The following EXOC4 variants were observed in gnomAD, a reference collection of about 807,000 sequenced individuals.
EXOC4 encodes exocyst complex component 4.
EXOC4 carries 71 observed loss-of-function variants against 107.2 expected under a neutral mutation model. The observed-to-expected ratio is 0.66, with a 90% CI of 0.55 to 0.81. The LOEUF is 0.81. EXOC4 is among the 30% of genes least tolerant of loss of function. The probability of loss-of-function intolerance (pLI) is 0.00; values close to 1 mark genes in which losing one functional copy is unlikely to be tolerated. For synonymous variants in EXOC4, 456 were observed against 441.2 expected, an observed-to-expected ratio of 1.03 and a Z score of -0.42; for missense variants, 1,108 against 1,189.6, an observed-to-expected ratio of 0.93 and a Z score of 1.01.
At chr7:134,079,271 C>T in the EXOC4 span, among the ~76,000 whole-genome samples, 1 of 152,186 alleles carries the variant, frequency 6.6e-6, no homozygotes, top group African/African-American at 2.4e-5. Flanking sequence ...TCCTCTGAGG[C>T]AAGCACAACT....
intron 9 of EXOC4, among the ~76,000 whole-genome samples, chr7:133,511,846 G>C (rs1416721769): frequency 6.6e-6 from 1 of 150,494 alleles, no homozygotes; most frequent in East Asian, 2.0e-4. Flanking sequence ...AATCATTGTA[G>C]AGCAAATGCA....
At chr7:133,756,174 C>A (rs930673444) in intron 10 of EXOC4, among the ~76,000 whole-genome samples, 1 of 152,102 alleles carries the variant, frequency 6.6e-6, no homozygotes, top group African/African-American at 2.4e-5. Context: ...TTATCATTTT[C>A]ATCATAAAAG....
intron 9 of EXOC4, among the ~76,000 whole-genome samples, chr7:133,621,009 A>G (rs888315114): frequency 2.0e-5 from 3 of 152,200 alleles, no homozygotes; most frequent in Non-Finnish European, 1.5e-5. Flanking sequence ...TAATTGGCTC[A>G]TATCTTACAT....
intron 11 of EXOC4, among the ~76,000 whole-genome samples, chr7:133,849,432 TA>T (rs1031766111): frequency 4.0e-5 from 6 of 151,798 alleles, no homozygotes; most frequent in Non-Finnish European, 4.4e-5. Context: ...AATTAAAAAA[TA>T]AAAAAAGAGC....
intron 9 of EXOC4, among the ~76,000 whole-genome samples, chr7:133,527,523 C>G (rs1354472579): frequency 6.6e-6 from 1 of 152,082 alleles, no homozygotes; most frequent in East Asian, 1.9e-4. Context: ...CTGATTTATC[C>G]AAACATGGGA....
chr7:133,798,948 A>T (rs1003641499), intron 10 of EXOC4, among the ~76,000 whole-genome samples: 11 of 152,318 alleles, frequency 7.2e-5, no homozygotes, highest in African/African-American at 2.2e-4. Flanking sequence ...TAAGGAACAG[A>T]GAGAGATTAA....
intron 13 of EXOC4, among the ~76,000 whole-genome samples, chr7:133,929,451 A>G (rs1329273832): frequency 6.7e-6 from 1 of 149,940 alleles, no homozygotes; most frequent in Non-Finnish European, 1.5e-5. Context: ...TCCCAAATAC[A>G]CTGTCATTCT....
At chr7:133,575,219 C>G (rs1212172826) in intron 9 of EXOC4, among the ~76,000 whole-genome samples, 1 of 152,088 alleles carries the variant, frequency 6.6e-6, no homozygotes, top group Non-Finnish European at 1.5e-5. Context: ...CACCTGAAAC[C>G]TGAGTTACTG....
intron 1 of EXOC4, among the ~76,000 whole-genome samples, chr7:133,267,901 G>A (rs1445225841): frequency 3.3e-5 from 5 of 152,230 alleles, no homozygotes; most frequent in Middle Eastern, 3.4e-3. Flanking sequence ...AGCACTTAAT[G>A]TACCAGGCAC....
At chr7:134,083,907 AGTT>A in the EXOC4 span, among the ~76,000 whole-genome samples, 1 of 152,180 alleles carries the variant, frequency 6.6e-6, no homozygotes, top group Admixed American at 6.5e-5. Context: ...CATACATCCA[AGTT>A]GTTCTCCTTC....
chr7:133,439,162 T>TGG, intron 7 of EXOC4, among the ~76,000 whole-genome samples: 1 of 151,034 alleles, frequency 6.6e-6, no homozygotes, highest in East Asian at 1.9e-4. Context: ...TTAAAGGAAA[T>TGG]ATACCATATT....
At chr7:133,528,857 A>AT (rs1393527472) in intron 9 of EXOC4, among the ~76,000 whole-genome samples, 1 of 152,114 alleles carries the variant, frequency 6.6e-6, no homozygotes, top group Non-Finnish European at 1.5e-5. Flanking sequence ...ATCTCTGTTC[A>AT]TTTATACATC....
chr7:134,048,784 C>T (rs1795716806), intron 17 of EXOC4, among the ~76,000 whole-genome samples: 2 of 152,130 alleles, frequency 1.3e-5, no homozygotes, highest in Admixed American at 1.3e-4. Context: ...ATCCTTCTCT[C>T]TTTGAGGTTG....
intron 10 of EXOC4, among the ~76,000 whole-genome samples, chr7:133,649,767 G>A (rs1037265749): frequency 1.3e-5 from 2 of 152,098 alleles, no homozygotes; most frequent in Non-Finnish European, 1.5e-5. Flanking sequence ...ATAGTGGCTT[G>A]AAGTGGTTAT....
At chr7:133,618,255 A>G (rs1215492361) in intron 9 of EXOC4, among the ~76,000 whole-genome samples, 3 of 150,890 alleles carry the variant, frequency 2.0e-5, no homozygotes, top group Non-Finnish European at 4.4e-5. Context: ...GTACATCTGT[A>G]TTTATGTTTA....
intron 11 of EXOC4, 96 bp downstream of exon 11, chr7:133,817,640 C>A (rs1174623320): frequency 1.2e-6 from 1 of 862,970 alleles, no homozygotes; most frequent in Non-Finnish European, 1.8e-6. Flanking sequence ...CATCTGTTTC[C>A]ATATTCATCA....
Position 133,480,036 on chromosome 7 carries a change from G to T in EXOC4, c.1329-14G>T. 6.2e-7 allele frequency: 1 copy of T among 1,611,442 alleles called. No homozygotes were observed. The highest frequency in any genetic ancestry group is 8.5e-7 in the Non-Finnish European group (1 of 1,177,654). ...TTACACCTGCTTGTCTGTTTCCCCT[G>T]TGTTTCTCTGCAGGTTCGAATCGTC... On this transcript the variant is annotated splice_polypyrimidine_tract_variant and intron_variant, in intron 8 of 17. Transcript: ENST00000253861.
chr7:134,036,256 G>A lies in EXOC4; in HGVS notation c.2688-28035G>A, dbSNP rs140545300. On this transcript the variant is annotated intron_variant, in intron 17 of 17. Coordinates refer to ENST00000253861, the MANE Select transcript of EXOC4 (RefSeq NM_021807.4). ...GTAATTTTCCCTTGAGATATAGAAA[G>A]AGAGCATCCTTCTCTCCAGCTTATG... Among the ~76,000 whole-genome samples the A allele has an allele frequency of 6.9e-3, 1,051 of 152,256 alleles. 15 individuals carry two copies. The highest frequency in any genetic ancestry group is 0.024 in the African/African-American group (1,002 of 41,550).
intron 7 of EXOC4, among the ~76,000 whole-genome samples, chr7:133,391,801 A>G (rs750143506): frequency 2.6e-5 from 4 of 152,214 alleles, no homozygotes; most frequent in Non-Finnish European, 4.4e-5. Flanking sequence ...ATGGTCAACT[A>G]TGTTTTAATC....
Sources: allele counts gnomAD v4.1 joint callset (sites outside exome capture counted in the v4.1 genomes callset), GRCh38; gene constraint gnomAD v4.1.1; transcripts MANE v1.5; gene names NCBI Gene and HGNC (gene_info 2026-07-23, HGNC 2026-07-21).